The following GPC6 variants were observed in gnomAD, a reference collection of about 807,000 sequenced individuals.
The protein encoded by GPC6 is glypican 6, also known as glypican-6.
In GPC6, 14 loss-of-function variants were observed where a neutral mutation model predicts 55.2. The ratio of observed to expected loss-of-function variants is 0.25; its 90% CI spans 0.17 to 0.40. The LOEUF is 0.40. GPC6 is among the 10% of genes least tolerant of loss of function. The pLI is 1.00. For missense variants in GPC6, 641 were observed against 708.5 expected, an observed-to-expected ratio of 0.90 and a Z score of 1.08; for synonymous variants, 278 against 259.6, an observed-to-expected ratio of 1.07 and a Z score of -0.68.
At chr13:94,037,451 C>A (rs988925513) in intron 4 of GPC6, among the ~76,000 whole-genome samples, 3 of 148,616 alleles carry the variant, frequency 2.0e-5, no homozygotes, top group African/African-American at 7.8e-5. Context: ...AAATTCTATT[C>A]TTCTATTTCT....
intron 3 of GPC6, among the ~76,000 whole-genome samples, chr13:93,918,897 T>C (rs1877423245): frequency 6.6e-6 from 1 of 152,214 alleles, no homozygotes; most frequent in African/African-American, 2.4e-5. Flanking sequence ...TCCTGAAGTA[T>C]ACACACTCAG....
At chr13:94,017,520 G>A (rs1473100863) in intron 3 of GPC6, among the ~76,000 whole-genome samples, 2 of 152,028 alleles carry the variant, frequency 1.3e-5, no homozygotes, top group African/African-American at 4.8e-5. Context: ...AACAGTATGG[G>A]GAAAACCATC....
intron 1 of GPC6, among the ~76,000 whole-genome samples, chr13:93,400,418 C>T (rs1876027536): frequency 1.4e-5 from 2 of 147,702 alleles, no homozygotes; most frequent in Admixed American, 1.4e-4. Context: ...AATAAATCAT[C>T]ATAGAAATAA....
chr13:93,536,274 G>C (rs1882058054), intron 1 of GPC6, among the ~76,000 whole-genome samples: 2 of 152,102 alleles, frequency 1.3e-5, no homozygotes, highest in Admixed American at 1.3e-4. Context: ...CCATTTTACA[G>C]AGTATGTTTA....
chr13:93,424,877 G>A (rs1195739786), intron 1 of GPC6, among the ~76,000 whole-genome samples: 2 of 152,108 alleles, frequency 1.3e-5, no homozygotes, highest in African/African-American at 2.4e-5. Context: ...GAAGTTACTG[G>A]GAATATTAGG....
chr13:93,357,374 A>G (rs1033602447), intron 1 of GPC6, among the ~76,000 whole-genome samples: 3 of 152,114 alleles, frequency 2.0e-5, no homozygotes, highest in African/African-American at 7.2e-5. Flanking sequence ...CTGTAATTAA[A>G]TTTGTTTTTT....
chr13:94,024,784 TGCAATCAATA>T (rs1882830597), intron 3 of GPC6, among the ~76,000 whole-genome samples: 1 of 152,166 alleles, frequency 6.6e-6, no homozygotes. Flanking sequence ...TTGGAATGAA[TGCAATCAATA>T]GCCTTTGAAA....
At chr13:94,082,930 A>G (rs948387556) in intron 4 of GPC6, among the ~76,000 whole-genome samples, 2 of 152,152 alleles carry the variant, frequency 1.3e-5, no homozygotes, top group Non-Finnish European at 2.9e-5. Flanking sequence ...TAAATGCTGG[A>G]TCCTGTATTT....
At chr13:94,152,315 C>T (rs1001268565) in intron 4 of GPC6, among the ~76,000 whole-genome samples, 31 of 152,142 alleles carry the variant, frequency 2.0e-4, no homozygotes, top group Admixed American at 1.0e-3. Context: ...GATTTGGAGA[C>T]ATATAACATG....
chr13:93,547,471 CTTAT>C (rs1220201805), intron 2 of GPC6, among the ~76,000 whole-genome samples: 1 of 152,112 alleles, frequency 6.6e-6, no homozygotes, highest in Non-Finnish European at 1.5e-5. Flanking sequence ...TCTGGTTTGT[CTTAT>C]TAAAGAAACC....
intron 4 of GPC6, among the ~76,000 whole-genome samples, chr13:94,238,450 C>T (rs1890947484): frequency 6.6e-6 from 1 of 152,102 alleles, no homozygotes. Flanking sequence ...ACACAGGATA[C>T]ATGGTCACCA....
At chr13:93,586,202 A>T (rs992584355) in intron 2 of GPC6, among the ~76,000 whole-genome samples, 3 of 152,092 alleles carry the variant, frequency 2.0e-5, no homozygotes, top group Non-Finnish European at 4.4e-5. Context: ...TATAAGAGAG[A>T]AGAAACACTA....
At chr13:93,401,088 A>G (rs187531856) in intron 1 of GPC6, among the ~76,000 whole-genome samples, 1 of 152,140 alleles carries the variant, frequency 6.6e-6, no homozygotes, top group East Asian at 1.9e-4. Context: ...GAAATCATAT[A>G]TCACCTTTGT....
intron 1 of GPC6, among the ~76,000 whole-genome samples, chr13:93,340,297 G>A (rs1458613170): frequency 5.3e-5 from 8 of 152,010 alleles, no homozygotes; most frequent in Non-Finnish European, 2.9e-5. Flanking sequence ...GCCTCCCAAA[G>A]TGCTGGGATT....
At chr13:93,961,390 G>A (rs1037663913) in intron 3 of GPC6, among the ~76,000 whole-genome samples, 4 of 152,186 alleles carry the variant, frequency 2.6e-5, no homozygotes, top group South Asian at 2.1e-4. Context: ...TAAATAATGC[G>A]AAGCAGTGAT....
intron 4 of GPC6, among the ~76,000 whole-genome samples, chr13:94,257,380 T>C (rs1168734743): frequency 2.0e-5 from 3 of 152,142 alleles, no homozygotes; most frequent in Non-Finnish European, 4.4e-5. Context: ...AGTGGGTAGA[T>C]CAGATCTTAG....
At chr13:93,345,674 G>A (rs1449032562) in intron 1 of GPC6, among the ~76,000 whole-genome samples, 1 of 152,144 alleles carries the variant, frequency 6.6e-6, no homozygotes. Flanking sequence ...AATGCATAAT[G>A]CATGCAATAG....
chr13:93,320,358 A>G lies in GPC6; in HGVS notation c.160+92742A>G, dbSNP rs114516453. 5.1e-4 allele frequency among the ~76,000 whole-genome samples: 78 copies of G among 151,994 alleles called. 1 individual carries two copies. The highest frequency in any genetic ancestry group is 1.8e-3 in the African/African-American group (76 of 41,498). On this transcript the variant is annotated intron_variant, in intron 1 of 8. Transcript: ENST00000377047. ...ATTTTAAAGTGATTCCCTTATATAT[A>G]TAAATTTTTTAAATGTTTAGCTATT...
intron 4 of GPC6, among the ~76,000 whole-genome samples, chr13:94,039,163 A>G (rs1412059647): frequency 6.6e-6 from 1 of 151,988 alleles, no homozygotes; most frequent in Non-Finnish European, 1.5e-5. Context: ...TGTTGTGTAC[A>G]TGGAGGTAAG....
Sources: gnomAD v4.1 joint callset for allele counts (sites outside exome capture counted in the v4.1 genomes callset) on GRCh38, gnomAD v4.1.1 for gene constraint, MANE v1.5 for transcripts, NCBI Gene and HGNC (gene_info 2026-07-23, HGNC 2026-07-21) for gene names.